The following CSMD1 variants were observed in gnomAD, a reference collection of about 807,000 sequenced individuals.
CSMD1 encodes CUB and sushi domain-containing protein 1.
In CSMD1, 213 loss-of-function variants were observed where a neutral mutation model predicts 417.5. That is an observed-to-expected ratio of 0.51 (90% CI 0.46 to 0.57). The LOEUF is 0.57. Among genes scored for constraint, CSMD1 ranks in the 20% least tolerant of loss-of-function variants. The pLI is 0.00. For synonymous variants in CSMD1, 2,862 were observed against 1,736.8 expected (o/e 1.65, Z -16.11); for missense variants, 6,923 against 4,529.7 (o/e 1.53, Z -15.17).
rs189395069 is a variant in CSMD1 at position 4,897,101 on chromosome 8, A to C, written c.85+97231T>G. On this transcript the variant is annotated intron_variant, in intron 1 of 69. Transcript: ENST00000635120. ...CTGAGTGCCTACAATTTCAGGCTTGACTTTGGGTATTTTATTTAAATGAAT... is the reference window on the plus strand; with the variant it reads ...CTGAGTGCCTACAATTTCAGGCTTGCCTTTGGGTATTTTATTTAAATGAAT... Among the ~76,000 whole-genome samples, 189 of 152,058 alleles carry C rather than the reference A, an allele frequency of 1.2e-3. 1 individual carries two copies. Among genetic ancestry groups the C allele is most frequent in the Admixed American group, 5.8e-3 (89 of 15,286 alleles).
intron 10 of CSMD1, among the ~76,000 whole-genome samples, chr8:3,561,418 G>T (rs911051969): frequency 1.1e-4 from 17 of 152,118 alleles, no homozygotes; most frequent in African/African-American, 4.1e-4. Flanking sequence ...TAAAGAAAAT[G>T]CGGTATCTTT....
At chr8:4,186,196 A>C (rs1353147137) in intron 3 of CSMD1, among the ~76,000 whole-genome samples, 1 of 152,278 alleles carries the variant, frequency 6.6e-6, no homozygotes, top group East Asian at 1.9e-4. Context: ...TCCAGAGAAC[A>C]TTGTGGAACA....
At chr8:4,326,658 C>T (rs531221006) in intron 3 of CSMD1, among the ~76,000 whole-genome samples, 29 of 152,216 alleles carry the variant, frequency 1.9e-4, no homozygotes, top group Non-Finnish European at 3.4e-4. Context: ...CCAACGTTTC[C>T]TCAAAGACCA....
intron 1 of CSMD1, among the ~76,000 whole-genome samples, chr8:4,919,301 C>A (rs769312548): frequency 1.3e-5 from 2 of 152,052 alleles, no homozygotes; most frequent in Non-Finnish European, 2.9e-5. Flanking sequence ...TATTTAGAAC[C>A]ACGGGTTAGA....
intron 3 of CSMD1, among the ~76,000 whole-genome samples, chr8:4,138,632 AC>A (rs201286145): frequency 9.2e-5 from 14 of 152,136 alleles, no homozygotes; most frequent in Non-Finnish European, 1.3e-4. Flanking sequence ...AAAGGAAAAA[AC>A]ATCTCTTAAG....
At chr8:3,470,875 A>C (rs111442687) in intron 11 of CSMD1, among the ~76,000 whole-genome samples, 2,770 of 152,270 alleles carry the variant, frequency 0.018, 99 homozygotes, top group African/African-American at 0.062. Context: ...ATCGCTGGGT[A>C]GTATGTCATG....
At chr8:3,934,052 T>G (rs1327846945) in intron 5 of CSMD1, among the ~76,000 whole-genome samples, 1 of 152,146 alleles carries the variant, frequency 6.6e-6, no homozygotes, top group African/African-American at 2.4e-5. Context: ...TGCTCTACAC[T>G]GAGTATCAGT....
intron 11 of CSMD1, among the ~76,000 whole-genome samples, chr8:3,487,522 G>C (rs534042020): frequency 5.3e-5 from 8 of 152,244 alleles, no homozygotes; most frequent in South Asian, 2.1e-4. Context: ...ATTTAAGGCA[G>C]ATTTTAGGAA....
intron 1 of CSMD1, among the ~76,000 whole-genome samples, chr8:4,943,734 T>A (rs1487557357): frequency 2.0e-5 from 3 of 152,170 alleles, no homozygotes; most frequent in African/African-American, 7.2e-5. Flanking sequence ...ATATCCATCA[T>A]GATGTGATAA....
intron 7 of CSMD1, among the ~76,000 whole-genome samples, chr8:3,617,964 A>T (rs543976476): frequency 1.3e-5 from 2 of 152,312 alleles, no homozygotes; most frequent in African/African-American, 4.8e-5. Context: ...CATTTGATTA[A>T]AATTACCATA....
At chr8:4,455,776 C>G (rs150678351) in intron 2 of CSMD1, among the ~76,000 whole-genome samples, 4 of 150,714 alleles carry the variant, frequency 2.7e-5, no homozygotes, top group African/African-American at 9.7e-5. Context: ...ACTAAAAATA[C>G]AAAAATTCGC....
At chr8:4,215,178 T>A (rs899351265) in intron 3 of CSMD1, among the ~76,000 whole-genome samples, 1 of 152,202 alleles carries the variant, frequency 6.6e-6, no homozygotes, top group African/African-American at 2.4e-5. Flanking sequence ...GATAGGGACC[T>A]TGTGTCCACG....
At chr8:3,568,139 C>G (rs1362335277) in intron 10 of CSMD1, among the ~76,000 whole-genome samples, 1 of 151,954 alleles carries the variant, frequency 6.6e-6, no homozygotes, top group Non-Finnish European at 1.5e-5. Flanking sequence ...TAATTAAATA[C>G]TTGAAAATTC....
At chr8:3,999,930 T>G (rs971929723) in intron 4 of CSMD1, among the ~76,000 whole-genome samples, 1 of 152,182 alleles carries the variant, frequency 6.6e-6, no homozygotes, top group African/African-American at 2.4e-5. Context: ...GATCCCAAAT[T>G]TATTTTAAGA....
intron 3 of CSMD1, among the ~76,000 whole-genome samples, chr8:4,179,093 G>C (rs1798212611): frequency 6.6e-6 from 1 of 151,950 alleles, no homozygotes; most frequent in East Asian, 1.9e-4. Flanking sequence ...AGTTCATATG[G>C]AAACAAAAAA....
intron 3 of CSMD1, among the ~76,000 whole-genome samples, chr8:4,352,326 A>T (rs930992342): frequency 6.6e-6 from 1 of 152,246 alleles, no homozygotes; most frequent in Non-Finnish European, 1.5e-5. Context: ...CCATCATAAA[A>T]ATTAAAATTC....
intron 8 of CSMD1, among the ~76,000 whole-genome samples, chr8:3,610,573 G>A (rs1801842717): frequency 6.6e-6 from 1 of 152,066 alleles, no homozygotes; most frequent in South Asian, 2.1e-4. Context: ...ATAAATATAG[G>A]TCATGTACAT....
At chr8:4,124,164 G>A (rs937239114) in intron 3 of CSMD1, among the ~76,000 whole-genome samples, 1 of 152,186 alleles carries the variant, frequency 6.6e-6, no homozygotes, top group Non-Finnish European at 1.5e-5. Flanking sequence ...AGTCTGCGGA[G>A]GCGCAGGGGA....
intron 1 of CSMD1, among the ~76,000 whole-genome samples, chr8:4,714,543 G>A (rs369242734): frequency 1.3e-5 from 2 of 152,032 alleles, no homozygotes; most frequent in Non-Finnish European, 2.9e-5. Flanking sequence ...AGATAGAGAA[G>A]GCCCAAAGAG....
Sources: gnomAD v4.1 joint callset for allele counts (sites outside exome capture counted in the v4.1 genomes callset) on GRCh38, gnomAD v4.1.1 for gene constraint, MANE v1.5 for transcripts, NCBI Gene and HGNC (gene_info 2026-07-23, HGNC 2026-07-21) for gene names.